N4BP2: variants seen among roughly 807,000 people sequenced by gnomAD.
N4BP2 encodes the protein NEDD4 binding protein 2, also known as NEDD4-binding protein 2.
A neutral mutation model predicts 152.8 loss-of-function variants in N4BP2; 91 were observed. The observed-to-expected ratio is 0.60, with a 90% CI of 0.50 to 0.71. The LOEUF is 0.71. N4BP2 is among the 30% of genes least tolerant of loss of function. The probability of loss-of-function intolerance (pLI) is 0.00; values close to 1 mark genes in which losing one functional copy is unlikely to be tolerated. For synonymous variants in N4BP2, 646 were observed against 705.3 expected (o/e 0.92, Z 1.33); for missense variants, 1,923 against 2,059.1 (o/e 0.93, Z 1.28).
chr4:40,087,173 T>C (rs1398875645), intron 2 of N4BP2, among the ~76,000 whole-genome samples: 1 of 152,098 alleles, frequency 6.6e-6, no homozygotes, highest in Non-Finnish European at 1.5e-5. Flanking sequence ...ATTGCACAGA[T>C]CAAATCTTCT....
At chr4:40,163,336 A>G in the N4BP2 span, among the ~76,000 whole-genome samples, 7 of 152,196 alleles carry the variant, frequency 4.6e-5, no homozygotes, top group African/African-American at 1.4e-4. Context: ...TATTCTTTCT[A>G]TTACAGCTCT....
the N4BP2 span, among the ~76,000 whole-genome samples, chr4:40,186,474 C>T: frequency 6.6e-6 from 1 of 152,164 alleles, no homozygotes; most frequent in Non-Finnish European, 1.5e-5. Context: ...CAGCATGGCT[C>T]ATGCCTGAAA....
chr4:40,183,662 G>A, the N4BP2 span, among the ~76,000 whole-genome samples: 13,365 of 152,198 alleles, frequency 0.088, 627 homozygotes, highest in African/African-American at 0.12. Flanking sequence ...TAAGAGGTTG[G>A]TAGCTTCAAC....
At chr4:40,150,725 T>C (rs1311270273) in intron 16 of N4BP2, among the ~76,000 whole-genome samples, 1 of 151,058 alleles carries the variant, frequency 6.6e-6, no homozygotes, top group African/African-American at 2.4e-5. Context: ...TTTTTTTCAA[T>C]AAATTGTAAA....
At chr4:40,146,938 A>C (rs1284082378) in intron 16 of N4BP2, among the ~76,000 whole-genome samples, 1 of 101,372 alleles carries the variant, frequency 9.9e-6, no homozygotes, top group Non-Finnish European at 2.0e-5. Context: ...TTTATTGATC[A>C]TTCTTGGGTG....
intron 1 of N4BP2, among the ~76,000 whole-genome samples, chr4:40,068,396 C>T (rs562522211): frequency 1.3e-5 from 2 of 152,266 alleles, no homozygotes; most frequent in East Asian, 3.9e-4. Flanking sequence ...TTGCCAAATC[C>T]GATGTCATGA....
intron 16 of N4BP2, among the ~76,000 whole-genome samples, chr4:40,148,385 A>G (rs1720810889): frequency 6.6e-6 from 1 of 150,840 alleles, no homozygotes; most frequent in Non-Finnish European, 1.5e-5. Flanking sequence ...GGTTGCAGTG[A>G]GCCGAGATGG....
intron 2 of N4BP2, among the ~76,000 whole-genome samples, chr4:40,080,310 G>GTATATATATATATATATATATA (rs140955860): frequency 6.8e-6 from 1 of 147,046 alleles, no homozygotes; most frequent in African/African-American, 2.5e-5. Context: ...AGTGTGAGCT[G>GTATATATATATATATATATATA]TATATATATA....
intron 13 of N4BP2, among the ~76,000 whole-genome samples, chr4:40,136,608 T>C (rs897490562): frequency 6.6e-6 from 1 of 152,044 alleles, no homozygotes; most frequent in Non-Finnish European, 1.5e-5. Flanking sequence ...GCTAGTCTCT[T>C]AACTCCTGAC....
the N4BP2 span, among the ~76,000 whole-genome samples, chr4:40,176,059 C>T: frequency 7.1e-6 from 1 of 140,690 alleles, no homozygotes; most frequent in Non-Finnish European, 1.5e-5. Context: ...CACTGCAATC[C>T]AGCCTGGGCG....
the N4BP2 span, among the ~76,000 whole-genome samples, chr4:40,170,546 A>G: frequency 3.3e-5 from 5 of 152,322 alleles, no homozygotes; most frequent in African/African-American, 1.2e-4. Flanking sequence ...GTGCTGAGAC[A>G]GGAGGATAGC....
At chr4:40,142,638 T>C in intron 14 of N4BP2, 35 bp from the exon 15 acceptor site, 3 of 1,487,108 alleles carry the variant, frequency 2.0e-6, no homozygotes, top group Non-Finnish European at 2.7e-6. Context: ...TTTTTAACTT[T>C]CTGTGTGTGT....
intron 2 of N4BP2, among the ~76,000 whole-genome samples, chr4:40,088,715 G>C (rs572779602): frequency 2.0e-5 from 3 of 152,084 alleles, no homozygotes; most frequent in Non-Finnish European, 4.4e-5. Flanking sequence ...GGTCAGGCCG[G>C]TCTCGAATTC....
In N4BP2 at chr4:40,121,009, A is replaced by G. The variant is rs1407854599; in HGVS notation, c.2898A>G (p.Lys966=). 3 of 1,614,152 alleles carry G rather than the reference A, an allele frequency of 1.9e-6. No individual in the cohort carries two copies. Among genetic ancestry groups the G allele is most frequent in the Non-Finnish European group, 2.5e-6 (3 of 1,180,032 alleles). The change falls in exon 9 of 18, where the codon AAA becomes AAG. Residue 966 remains lysine (K), a synonymous_variant. Transcript: ENST00000261435. ...GTGAGAGTCAGACTTGTCTAAGTAA[A>G]AAGAGTCATGGGCAACACACATCGT... ...MTCESQTCLS[K]KSHGQHTSLP...
chr4:40,120,177 A>G lies in N4BP2; in HGVS notation c.2066A>G (p.Glu689Gly). The part of the protein sequence containing the change: ...ETPHMYFSDS[E>G]SKLQATDKSE... Reference sequence around the variant, plus strand: ...CCACACATGTATTTTTCTGACTCTGAAAGCAAACTACAGGCAACAGACAAA... The same window carrying G: ...CCACACATGTATTTTTCTGACTCTGGAAGCAAACTACAGGCAACAGACAAA... The change falls in exon 9 of 18, where the codon GAA becomes GGA. Residue 689 changes from glutamate (E) to glycine (G), a missense_variant. Physicochemically the swap from Glu to Gly is moderately conservative, Grantham distance 98. Transcript: ENST00000261435. 6.2e-7 allele frequency: 1 copy of G among 1,613,662 alleles called. No individual in the cohort carries two copies. The highest frequency in any genetic ancestry group is 8.5e-7 in the Non-Finnish European group (1 of 1,179,940).
At position 40,111,990 on chromosome 4, in the gene N4BP2, A is replaced by G. The variant is rs149825543; in HGVS notation, c.1499-94A>G. The G allele has an allele frequency of 5.3e-4, 364 of 687,422 alleles. No individual in the cohort carries two copies. The African/African-American group carries it at 5.9e-3, about 11-fold the overall frequency. The allele number at this position is 687,422 out of a possible 1,614,324, so 42.6% of individuals were successfully genotyped here. A position where few individuals can be genotyped will look rare whatever the true frequency, so the allele number is the denominator to read the frequency against. ...GAGCAGTGAGTAAAATTAGCACATC[A>G]TGATTTTCAAATTATGAAAAGATCA... On this transcript the variant is annotated intron_variant, in intron 5 of 17. Coordinates refer to ENST00000261435, the MANE Select transcript of N4BP2 (RefSeq NM_018177.6).
chr4:40,098,554 G>A (rs889794246), intron 3 of N4BP2, among the ~76,000 whole-genome samples: 1 of 152,136 alleles, frequency 6.6e-6, no homozygotes, highest in African/African-American at 2.4e-5. Context: ...AATTATTCTG[G>A]ATTTGGGAAG....
chr4:40,140,810 T>C (rs879772648), intron 14 of N4BP2, among the ~76,000 whole-genome samples: 1,593 of 121,268 alleles, frequency 0.013, no homozygotes, highest in South Asian at 0.022. Flanking sequence ...CATGCTGCCT[T>C]CAAGCATCTG....
intron 5 of N4BP2, among the ~76,000 whole-genome samples, chr4:40,109,732 T>C (rs1235359016): frequency 1.3e-5 from 2 of 150,192 alleles, no homozygotes; most frequent in Non-Finnish European, 3.0e-5. Context: ...AAAAAAAAAG[T>C]GTTAGCATGG....
Sources: gnomAD v4.1 joint callset for allele counts (sites outside exome capture counted in the v4.1 genomes callset) on GRCh38, gnomAD v4.1.1 for gene constraint, MANE v1.5 for transcripts, NCBI Gene and HGNC (gene_info 2026-07-23, HGNC 2026-07-21) for gene names.